Variants in PI4KA observed in about 807,000 individuals in gnomAD.
PI4KA encodes the protein PI4-kinase alpha.
In PI4KA, 122 loss-of-function variants were observed where a neutral mutation model predicts 271.4. The ratio of observed to expected loss-of-function variants is 0.45; its 90% confidence interval spans 0.39 to 0.52. The LOEUF (loss-of-function observed/expected upper bound fraction) is 0.52, where lower values mean the gene tolerates loss of function less well. Among genes scored for constraint, PI4KA ranks in the 20% least tolerant of loss-of-function variants. The pLI is 0.00. For missense variants in PI4KA, 1,969 were observed against 2,769.1 expected (o/e 0.71, Z 6.48); for synonymous variants, 1,041 against 1,078.8 (o/e 0.96, Z 0.69).
At chr22:20,731,802 G>A (rs1161353734) in intron 36 of PI4KA, among the ~76,000 whole-genome samples, 3 of 151,886 alleles carry the variant, frequency 2.0e-5, no homozygotes, top group South Asian at 2.1e-4. Context: ...GGTAGCGAGC[G>A]CCTGTAGTCC....
At chr22:20,779,051 C>A in intron 19 of PI4KA, 1 of 864,856 alleles carries the variant, frequency 1.2e-6, no homozygotes, top group Non-Finnish European at 1.7e-6. Flanking sequence ...TTTTGCAAAC[C>A]TTTAAAGAAG....
At chr22:20,740,535 T>C (rs564100778) in intron 32 of PI4KA, among the ~76,000 whole-genome samples, 4 of 150,946 alleles carry the variant, frequency 2.6e-5, no homozygotes, top group South Asian at 2.1e-4. Flanking sequence ...CCTAAATCCC[T>C]GAAATTAAGA....
intron 3 of PI4KA, among the ~76,000 whole-genome samples, chr22:20,826,131 C>T (rs1923390821): frequency 1.3e-5 from 2 of 152,088 alleles, no homozygotes; most frequent in South Asian, 4.1e-4. Context: ...TAACTTGAGG[C>T]CAGGAGTTCG....
chr22:20,768,352 G>A (rs1043198235), intron 19 of PI4KA, among the ~76,000 whole-genome samples: 4 of 152,058 alleles, frequency 2.6e-5, no homozygotes, highest in Non-Finnish European at 5.9e-5. Context: ...AATTACAGGC[G>A]TGAGCCACCA....
intron 19 of PI4KA, among the ~76,000 whole-genome samples, chr22:20,780,664 T>C (rs1933706785): frequency 6.6e-6 from 1 of 150,624 alleles, no homozygotes; most frequent in Non-Finnish European, 1.5e-5. Flanking sequence ...TACTCCCAGC[T>C]ACTTGGGAGG....
At chr22:20,847,691 A>G (rs1054340124) in intron 1 of PI4KA, among the ~76,000 whole-genome samples, 1 of 151,992 alleles carries the variant, frequency 6.6e-6, no homozygotes, top group African/African-American at 2.4e-5. Flanking sequence ...AGGCTATAGT[A>G]AGCTGTGATA....
At chr22:20,815,738 A>G (rs963750194) in intron 7 of PI4KA, among the ~76,000 whole-genome samples, 3 of 152,062 alleles carry the variant, frequency 2.0e-5, no homozygotes, top group Non-Finnish European at 4.4e-5. Context: ...AGGGAGGGAG[A>G]AACAGCCGGA....
chr22:20,836,732 C>CACTA (rs1157728180), intron 2 of PI4KA, among the ~76,000 whole-genome samples: 1 of 152,186 alleles, frequency 6.6e-6, no homozygotes, highest in Non-Finnish European at 1.5e-5. Context: ...GGCTTCTCTC[C>CACTA]TAGTATATGC....
At chr22:20,805,928 C>A (rs904967849) in intron 10 of PI4KA, among the ~76,000 whole-genome samples, 4 of 152,010 alleles carry the variant, frequency 2.6e-5, no homozygotes, top group Non-Finnish European at 4.4e-5. Flanking sequence ...TCAGAGCACT[C>A]ACCCTGAGTT....
chr22:20,837,331 T>C (rs990694289), intron 2 of PI4KA, among the ~76,000 whole-genome samples: 6 of 152,188 alleles, frequency 3.9e-5, no homozygotes, highest in African/African-American at 1.4e-4. Context: ...AAATAATGAC[T>C]GTGCCACTGC....
At chr22:20,786,040 G>A in intron 19 of PI4KA, 2 of 1,614,154 alleles carry the variant, frequency 1.2e-6, no homozygotes, top group South Asian at 1.1e-5. Flanking sequence ...TCAAGCTGGA[G>A]AAGAACTACA....
At chr22:20,796,354 C>T in intron 17 of PI4KA, 40 bp from the exon 18 acceptor site, 1 of 1,588,196 alleles carries the variant, frequency 6.3e-7, no homozygotes, top group Non-Finnish European at 8.6e-7. Flanking sequence ...CTGCCAGGCC[C>T]TCAACCGTCC....
At chr22:20,787,146 C>CTCGT in intron 19 of PI4KA, 1 of 1,304,598 alleles carries the variant, frequency 7.7e-7, no homozygotes, top group Non-Finnish European at 1.1e-6. Flanking sequence ...CAGAGATGTT[C>CTCGT]TGGCATCATT....
chr22:20,729,612 G>T lies in PI4KA; in HGVS notation c.4488+20C>A. On this transcript the variant is annotated intron_variant, in intron 38 of 54. Transcript: ENST00000255882. ...AGGCAGGTGGCGGGCAGCAGGCACAGCTGCACCTGTGGGCCTTACCAGCAG... is the reference window on the plus strand; with the variant it reads ...AGGCAGGTGGCGGGCAGCAGGCACATCTGCACCTGTGGGCCTTACCAGCAG... 6.4e-7 allele frequency: 1 copy of T among 1,559,156 alleles called. No individual in the cohort carries two copies.
intron 25 of PI4KA, 103 bp downstream of exon 25, chr22:20,752,800 A>AT: frequency 4.7e-6 from 6 of 1,283,654 alleles, no homozygotes; most frequent in African/African-American, 1.5e-5. Context: ...TTCTGACTCC[A>AT]TTTTTTCCTA....
chr22:20,762,998 G>C (rs1252267940), intron 22 of PI4KA, among the ~76,000 whole-genome samples: 1 of 65,160 alleles, frequency 1.5e-5, no homozygotes, highest in East Asian at 5.0e-4. Flanking sequence ...AACTGGCTAG[G>C]TTTTTTTGCT....
chr22:20,716,776 C>T (rs1926053085), intron 45 of PI4KA, among the ~76,000 whole-genome samples: 1 of 152,206 alleles, frequency 6.6e-6, no homozygotes. Flanking sequence ...GAACAGAGGC[C>T]CTGCATACAT....
intron 1 of PI4KA, among the ~76,000 whole-genome samples, chr22:20,853,191 C>T (rs1262939220): frequency 6.6e-6 from 1 of 152,154 alleles, no homozygotes; most frequent in Non-Finnish European, 1.5e-5. Flanking sequence ...TCAAAGCCTC[C>T]TGAGGGTGGG....
intron 45 of PI4KA, 22 bp from the exon 46 acceptor site, chr22:20,714,722 C>A: frequency 6.2e-7 from 1 of 1,611,028 alleles, no homozygotes; most frequent in Non-Finnish European, 8.5e-7. Flanking sequence ...CAGAGGCAGT[C>A]ACAGGGAGTG....
Sources: gnomAD v4.1 joint callset for allele counts (sites outside exome capture counted in the v4.1 genomes callset) on GRCh38, gnomAD v4.1.1 for gene constraint, MANE v1.5 for transcripts, NCBI Gene and HGNC (gene_info 2026-07-23, HGNC 2026-07-21) for gene names.